Variants in ALX4 observed in about 807,000 individuals in gnomAD.
ALX4 encodes homeobox protein aristaless-like 4.
In ALX4, 22 loss-of-function variants were observed where a neutral mutation model predicts 40.6. The ratio of observed to expected loss-of-function variants is 0.54; its 90% confidence interval spans 0.39 to 0.77. The LOEUF is 0.77. Among genes scored for constraint, ALX4 ranks in the 30% least tolerant of loss-of-function variants. ALX4 has a pLI of 0.00. For synonymous variants in ALX4, 266 were observed against 240.5 expected (o/e 1.11, Z -0.98); for missense variants, 556 against 564.8 (o/e 0.98, Z 0.16).
intron 1 of ALX4, among the ~76,000 whole-genome samples, chr11:44,302,496 C>T (rs1045343139): frequency 1.3e-5 from 2 of 152,342 alleles, no homozygotes; most frequent in Admixed American, 6.5e-5. Flanking sequence ...GTACAAAACA[C>T]TTGGAAGGAC....
intron 1 of ALX4, among the ~76,000 whole-genome samples, chr11:44,287,041 C>A (rs1159013820): frequency 6.6e-6 from 1 of 152,186 alleles, no homozygotes; most frequent in East Asian, 1.9e-4. Context: ...TGTCGTTTGG[C>A]CCAGCGGCTT....
At chr11:44,284,369 C>A (rs977119141) in intron 1 of ALX4, among the ~76,000 whole-genome samples, 2 of 152,176 alleles carry the variant, frequency 1.3e-5, no homozygotes, top group African/African-American at 4.8e-5. Context: ...AAGCAAGAGA[C>A]AAGCACCACT....
chr11:44,289,446 T>C (rs1956357344), intron 1 of ALX4, among the ~76,000 whole-genome samples: 1 of 152,220 alleles, frequency 6.6e-6, no homozygotes, highest in Non-Finnish European at 1.5e-5. Flanking sequence ...TCAGTGTTGG[T>C]ATCTCTGTTT....
chr11:44,282,824 G>A (rs1014028093), intron 1 of ALX4, among the ~76,000 whole-genome samples: 1 of 152,106 alleles, frequency 6.6e-6, no homozygotes, highest in African/African-American at 2.4e-5. Flanking sequence ...AGGTGTAGGA[G>A]GAGGGGGAAG....
chr11:44,297,456 G>A (rs1194597418), intron 1 of ALX4, among the ~76,000 whole-genome samples: 1 of 152,064 alleles, frequency 6.6e-6, no homozygotes. Flanking sequence ...GGTGGCTTAT[G>A]CTTGTAATCC....
intron 1 of ALX4, among the ~76,000 whole-genome samples, chr11:44,281,892 C>T (rs1386572098): frequency 6.6e-6 from 1 of 152,210 alleles, no homozygotes; most frequent in Non-Finnish European, 1.5e-5. Flanking sequence ...TCCCGGCCCT[C>T]AAGGGGCTGC....
At chr11:44,293,431 A>G (rs1220797433) in intron 1 of ALX4, among the ~76,000 whole-genome samples, 1 of 145,422 alleles carries the variant, frequency 6.9e-6, no homozygotes, top group African/African-American at 2.5e-5. Context: ...AAAAAAAAAT[A>G]TATATATAAT....
At chr11:44,281,064 C>T (rs980199937) in intron 1 of ALX4, among the ~76,000 whole-genome samples, 7 of 152,154 alleles carry the variant, frequency 4.6e-5, no homozygotes, top group Non-Finnish European at 8.8e-5. Context: ...CTTTTTAAAA[C>T]AGGAAAACCC....
intron 1 of ALX4, among the ~76,000 whole-genome samples, chr11:44,278,697 C>G (rs1310394503): frequency 6.6e-6 from 1 of 152,166 alleles, no homozygotes; most frequent in East Asian, 1.9e-4. Context: ...TGGCCTCGGC[C>G]CCCGCTCTTC....
intron 1 of ALX4, among the ~76,000 whole-genome samples, chr11:44,284,224 C>T (rs759879776): frequency 5.8e-5 from 7 of 120,274 alleles, no homozygotes; most frequent in South Asian, 2.2e-4. Flanking sequence ...TTTTGGGGGG[C>T]GGGGCGGGGC....
At chr11:44,266,015 C>A (rs1463076432) in intron 3 of ALX4, among the ~76,000 whole-genome samples, 14 of 152,148 alleles carry the variant, frequency 9.2e-5, no homozygotes, top group Admixed American at 9.2e-4. Context: ...CACGGGATTC[C>A]TGGTAACCTC....
At chr11:44,292,677 G>T (rs72907856) in intron 1 of ALX4, among the ~76,000 whole-genome samples, 1 of 152,130 alleles carries the variant, frequency 6.6e-6, no homozygotes, top group Non-Finnish European at 1.5e-5. Context: ...GTTTTGGTTG[G>T]TGTTTTTGTA....
chr11:44,306,948 A>C lies in ALX4; in HGVS notation c.466+2649T>G, dbSNP rs527592476. Among the ~76,000 whole-genome samples the C allele has an allele frequency of 2.5e-4, 38 of 152,264 alleles. No homozygotes were observed. In the South Asian group the frequency reaches 7.9e-3, roughly 32 times the overall value. On this transcript the variant is annotated intron_variant, in intron 1 of 3. Coordinates refer to ENST00000652299, the MANE Select transcript of ALX4 (RefSeq NM_021926.4). ...CAGCTGCTGAGAGAGGGAAAGAACA[A>C]ACACTGACTTGCTGTTTATTGTTTG... is the stretch of plus-strand genomic sequence containing the variant.
chr11:44,305,825 A>G (rs1956463746), intron 1 of ALX4, among the ~76,000 whole-genome samples: 1 of 152,214 alleles, frequency 6.6e-6, no homozygotes, highest in Non-Finnish European at 1.5e-5. Flanking sequence ...TTTCAACAAA[A>G]ACCTGTCGCC....
At chr11:44,305,661 C>A (rs961624850) in intron 1 of ALX4, among the ~76,000 whole-genome samples, 1 of 152,182 alleles carries the variant, frequency 6.6e-6, no homozygotes, top group Admixed American at 6.5e-5. Context: ...GAAATAAATA[C>A]CCTCTGGTAT....
Position 44,275,358 on chromosome 11 carries a change from G to A in ALX4, c.767C>T (p.Ala256Val). The change falls in exon 2 of 4, where the codon GCC becomes GTC. Residue 256 changes from alanine (A) to valine (V), a missense_variant. Coordinates refer to ENST00000652299, the MANE Select transcript of ALX4 (RefSeq NM_021926.4). The stretch of plus-strand genomic sequence containing the variant: ...GTGGCCCTCACTGACCTGCACGCGG[G>A]CCTCAGTGAGGTCTGTCCTCATGGC... ...QLAMRTDLTE[A>V]RVQVWFQNRR... is the part of the protein sequence containing the mutation. The A allele has an allele frequency of 6.2e-7, 1 of 1,614,202 alleles. No homozygotes were observed. The highest frequency in any genetic ancestry group is 1.3e-5 in the African/African-American group (1 of 75,048).
chr11:44,292,440 A>G (rs1377870417), intron 1 of ALX4, among the ~76,000 whole-genome samples: 1 of 145,482 alleles, frequency 6.9e-6, no homozygotes. Flanking sequence ...GGCTGGTCTC[A>G]AACTCCTGGA....
rs1048397060 is a variant in ALX4 at position 44,309,770 on chromosome 11, T to G, written c.293A>C (p.Gln98Pro). Reference sequence around the variant, plus strand: ...CTGCGGCTGCGGCGGCGGCTGGGGCTGCGGGGTCGACGGCTGGGGCTGGAA... The same window carrying G: ...CTGCGGCTGCGGCGGCGGCTGGGGCGGCGGGGTCGACGGCTGGGGCTGGAA... ...NKFQPQPSTP[Q>P]PQPPPQPQPQ... The change falls in exon 1 of 4, where the codon CAG becomes CCG. Residue 98 changes from glutamine (Q) to proline (P), a missense_variant. Coordinates refer to ENST00000652299, the MANE Select transcript of ALX4 (RefSeq NM_021926.4). 1.9e-6 allele frequency: 3 copies of G among 1,545,954 alleles called. No individual in the cohort carries two copies. Among genetic ancestry groups the G allele is most frequent in the African/African-American group, 2.7e-5 (2 of 72,740 alleles).
Position 44,265,197 on chromosome 11 carries a change from G to A in ALX4, c.907-14C>T, listed in dbSNP as rs1169584569. 2.5e-6 allele frequency: 4 copies of A among 1,591,596 alleles called. No homozygotes were observed. The highest frequency in any genetic ancestry group is 2.6e-6 in the Non-Finnish European group (3 of 1,167,472). On this transcript the variant is annotated splice_polypyrimidine_tract_variant and intron_variant, in intron 3 of 3. Coordinates refer to ENST00000652299, the MANE Select transcript of ALX4 (RefSeq NM_021926.4). ...CGGGTTCTGAATCTGGGAGAGGAAG[G>A]GAGAGATGTCACCGGCTGGCGGGCA...
Sources: gnomAD v4.1 joint callset for allele counts (sites outside exome capture counted in the v4.1 genomes callset) on GRCh38, gnomAD v4.1.1 for gene constraint, MANE v1.5 for transcripts, NCBI Gene and HGNC (gene_info 2026-07-23, HGNC 2026-07-21) for gene names.